Variants in SLC25A26 observed in about 807,000 individuals in gnomAD.
SLC25A26 encodes solute carrier family 25 member 26.
Under a neutral mutation model 37.8 loss-of-function variants are expected in SLC25A26, and 36 were observed. The ratio of observed to expected loss-of-function variants is 0.95; its 90% CI spans 0.73 to 1.26. SLC25A26 has a LOEUF of 1.26. Ranked by LOEUF, SLC25A26 falls within the 50% of genes most tolerant of loss-of-function variation. The probability of loss-of-function intolerance (pLI) is 0.00; values close to 1 mark genes in which losing one functional copy is unlikely to be tolerated. For synonymous variants in SLC25A26, 129 were observed against 122.5 expected (o/e 1.05, Z -0.35); for missense variants, 390 against 331.1 (o/e 1.18, Z -1.38).
chr3:66,173,375 A>G (rs941589269), intron 1 of SLC25A26, among the ~76,000 whole-genome samples: 8 of 152,266 alleles, frequency 5.3e-5, no homozygotes, highest in Admixed American at 5.2e-4. Flanking sequence ...AAAATAGGGT[A>G]CTGGTACCAG....
intron 1 of SLC25A26, among the ~76,000 whole-genome samples, chr3:66,197,039 A>G (rs993081526): frequency 6.6e-5 from 10 of 152,252 alleles, no homozygotes; most frequent in Admixed American, 6.5e-4. Flanking sequence ...TTTTTATTTT[A>G]GTAAGAATGC....
chr3:66,179,705 TC>T, intron 1 of SLC25A26, among the ~76,000 whole-genome samples: 1 of 152,158 alleles, frequency 6.6e-6, no homozygotes, highest in Non-Finnish European at 1.5e-5. Flanking sequence ...CATAAGAACT[TC>T]TTGTTACTGG....
chr3:66,343,761 T>C (rs2076259818), intron 5 of SLC25A26, among the ~76,000 whole-genome samples: 2 of 152,198 alleles, frequency 1.3e-5, no homozygotes, highest in Admixed American at 6.5e-5. Flanking sequence ...TCCATAATCA[T>C]ACTGTCAGTC....
intron 9 of SLC25A26, 76 bp downstream of exon 9, chr3:66,370,678 C>G: frequency 9.2e-7 from 1 of 1,085,008 alleles, no homozygotes; most frequent in Non-Finnish European, 1.4e-6. Context: ...TGGATGAACA[C>G]CTCTCCTTCC....
At chr3:66,279,438 A>G (rs908102300) in intron 5 of SLC25A26, among the ~76,000 whole-genome samples, 3 of 152,174 alleles carry the variant, frequency 2.0e-5, no homozygotes, top group Non-Finnish European at 2.9e-5. Flanking sequence ...CAGTGTCCTC[A>G]TTGAATGAAA....
At chr3:66,168,025 T>G (rs1209664881) in intron 1 of SLC25A26, among the ~76,000 whole-genome samples, 3 of 151,826 alleles carry the variant, frequency 2.0e-5, no homozygotes, top group Middle Eastern at 3.5e-3. Flanking sequence ...TGGTGGCACA[T>G]GCCTGTAATC....
intron 5 of SLC25A26, among the ~76,000 whole-genome samples, chr3:66,266,533 A>T (rs2073757408): frequency 6.6e-6 from 1 of 150,476 alleles, no homozygotes; most frequent in Non-Finnish European, 1.5e-5. Flanking sequence ...CATGCATTAT[A>T]AGATAGATTC....
intron 1 of SLC25A26, among the ~76,000 whole-genome samples, chr3:66,168,448 A>G (rs1324448208): frequency 2.0e-5 from 3 of 152,140 alleles, no homozygotes; most frequent in Non-Finnish European, 2.9e-5. Flanking sequence ...CAGTTTTTAA[A>G]TTAATGTTTT....
chr3:66,142,826 T>C (rs547184291), intron 1 of SLC25A26, among the ~76,000 whole-genome samples: 1 of 152,288 alleles, frequency 6.6e-6, no homozygotes, highest in African/African-American at 2.4e-5. Context: ...TACAGTGGTG[T>C]GATCTTAGCT....
rs183936704 is a variant in SLC25A26 at position 66,265,337 on chromosome 3, A to G, written c.453+1958A>G. 1.2e-4 allele frequency among the ~76,000 whole-genome samples: 18 copies of G among 152,284 alleles called. 1 individual carries two copies. The East Asian group carries it at 3.1e-3, about 26-fold the overall frequency. On this transcript the variant is annotated intron_variant, in intron 5 of 9. Coordinates refer to ENST00000354883, the MANE Select transcript of SLC25A26 (RefSeq NM_001379210.1). The stretch of plus-strand genomic sequence containing the variant: ...AAAAAAAATAAAAATAAAAAGAAGC[A>G]TGTTATAATCTTTGCTTCACATAGA...
At chr3:66,171,367 G>A (rs966705534) in intron 1 of SLC25A26, among the ~76,000 whole-genome samples, 1 of 152,212 alleles carries the variant, frequency 6.6e-6, no homozygotes, top group African/African-American at 2.4e-5. Flanking sequence ...CGTTCTAGTC[G>A]GGTTCTCCAG....
At chr3:66,211,000 G>T (rs928793183) in intron 1 of SLC25A26, among the ~76,000 whole-genome samples, 1 of 152,172 alleles carries the variant, frequency 6.6e-6, no homozygotes, top group Non-Finnish European at 1.5e-5. Flanking sequence ...AGAGGCTGTG[G>T]CACTGCACCT....
intron 1 of SLC25A26, among the ~76,000 whole-genome samples, chr3:66,159,701 C>T (rs950134384): frequency 5.9e-5 from 9 of 152,186 alleles, no homozygotes; most frequent in African/African-American, 2.2e-4. Flanking sequence ...CAGGCATGTA[C>T]TCGAAAAGCC....
At chr3:66,275,603 G>A (rs746076344) in intron 5 of SLC25A26, among the ~76,000 whole-genome samples, 3 of 151,954 alleles carry the variant, frequency 2.0e-5, no homozygotes, top group African/African-American at 7.3e-5. Context: ...TAAGTACTTA[G>A]GTATTAAGAT....
intron 1 of SLC25A26, among the ~76,000 whole-genome samples, chr3:66,144,116 G>A (rs1178099574): frequency 6.6e-6 from 1 of 152,082 alleles, no homozygotes; most frequent in African/African-American, 2.4e-5. Flanking sequence ...AGTTAGGAAA[G>A]GCCTCTATGA....
rs1210912292 is a variant in SLC25A26 at position 66,168,160 on chromosome 3, A to AAT, written c.-354+34191_-354+34192dup. ...AAGAGCAAAACTCAGTCTCAAAAAA[A>AAT]ATATATATATATATATGTGTGTGTG... On this transcript the variant is annotated intron_variant, in intron 1 of 10. Coordinates refer to the SLC25A26 transcript ENST00000676754. Among the ~76,000 whole-genome samples the AAT allele has an allele frequency of 1.1e-3, 110 of 97,312 alleles. 1 individual carries two copies. The highest frequency in any genetic ancestry group is 4.7e-3 in the African/African-American group (93 of 19,650). 63.8% of individuals were successfully genotyped at this position (97,312 alleles called of 152,430 possible). A position where few individuals can be genotyped will look rare whatever the true frequency, so the allele number is the denominator to read the frequency against.
rs79286059 is a variant in SLC25A26, at chr3:66,144,826, C to A, written c.-354+10842C>A. Among the ~76,000 whole-genome samples, 966 of 152,240 alleles carry A rather than the reference C, an allele frequency of 6.3e-3. 15 individuals are homozygous for A. The highest frequency in any genetic ancestry group is 0.022 in the African/African-American group (928 of 41,534). On this transcript the variant is annotated intron_variant, in intron 1 of 10. Coordinates refer to the SLC25A26 transcript ENST00000676754. The stretch of plus-strand genomic sequence containing the variant: ...TATTTCTTTAAGCATGACTTCAAAA[C>A]TCTAATAATCATAAAGTTCTGAGAA...
chr3:66,278,463 CTG>C (rs756011975), intron 5 of SLC25A26, among the ~76,000 whole-genome samples: 34 of 151,888 alleles, frequency 2.2e-4, no homozygotes, highest in Admixed American at 2.6e-4. Context: ...AAAATTTTAA[CTG>C]TTTTATTTTT....
intron 5 of SLC25A26, among the ~76,000 whole-genome samples, chr3:66,292,009 ATAGT>A (rs936608246): frequency 1.4e-5 from 2 of 138,500 alleles, no homozygotes; most frequent in African/African-American, 6.9e-5. Flanking sequence ...TGTATTTAGG[ATAGT>A]TAGCTCTTCT....
Sources: gnomAD v4.1 joint callset for allele counts (sites outside exome capture counted in the v4.1 genomes callset) on GRCh38, gnomAD v4.1.1 for gene constraint, MANE v1.5 for transcripts, NCBI Gene and HGNC (gene_info 2026-07-23, HGNC 2026-07-21) for gene names.